LMO7: variants seen among roughly 807,000 people sequenced by gnomAD.
LMO7 encodes LIM domain 7.
A neutral mutation model predicts 206.5 loss-of-function variants in LMO7; 120 were observed. The observed-to-expected ratio is 0.58, with a 90% confidence interval of 0.50 to 0.68. The LOEUF is 0.68. LMO7 is among the 30% of genes least tolerant of loss of function. The pLI is 0.00. For missense variants in LMO7, 1,959 were observed against 1,957.9 expected, an observed-to-expected ratio of 1.00 and a Z score of -0.01; for synonymous variants, 706 against 681.5, an observed-to-expected ratio of 1.04 and a Z score of -0.56.
intron 1 of LMO7, among the ~76,000 whole-genome samples, chr13:75,667,677 C>A (rs1049425948): frequency 2.6e-5 from 4 of 152,170 alleles, no homozygotes; most frequent in African/African-American, 9.6e-5. Flanking sequence ...AGCATATTTT[C>A]CTTTCCATAC....
intron 15 of LMO7, among the ~76,000 whole-genome samples, chr13:75,827,771 C>A (rs2058265897): frequency 6.6e-6 from 1 of 152,178 alleles, no homozygotes. Context: ...CTCTACAAAT[C>A]CACTTTCCAG....
intron 3 of LMO7, chr13:75,760,627 AG>A: frequency 1.4e-6 from 2 of 1,448,572 alleles, no homozygotes; most frequent in African/African-American, 2.8e-5. Context: ...ATCAAAGTGT[AG>A]ATTACTGCTC....
At chr13:75,658,290 T>A (rs1353268971) in intron 1 of LMO7, among the ~76,000 whole-genome samples, 2 of 152,138 alleles carry the variant, frequency 1.3e-5, no homozygotes, top group African/African-American at 2.4e-5. Flanking sequence ...ATTTAGCTAT[T>A]ATAAATTTGT....
chr13:75,670,075 G>T (rs926450266), intron 1 of LMO7, among the ~76,000 whole-genome samples: 1 of 152,196 alleles, frequency 6.6e-6, no homozygotes, highest in Admixed American at 6.5e-5. Flanking sequence ...TAAACTTTGT[G>T]CAGGAGTTGC....
intron 4 of LMO7, among the ~76,000 whole-genome samples, chr13:75,768,946 TG>T (rs973180659): frequency 6.6e-6 from 1 of 152,096 alleles, no homozygotes; most frequent in Admixed American, 6.6e-5. Flanking sequence ...TTGAAATATT[TG>T]TTTTTTTACC....
rs367850909 is a variant in LMO7 at position 75,825,239 on chromosome 13, A to T, written c.2949+1366A>T. Among the ~76,000 whole-genome samples the T allele has an allele frequency of 5.3e-5, 8 of 152,240 alleles. No homozygotes were observed. In the East Asian group the frequency reaches 1.5e-3, roughly 29 times the overall value. On this transcript the variant is annotated intron_variant, in intron 15 of 30. Transcript: ENST00000377534. ...GGAGAAGAACAATAGCCTGTGTTATACTTGGGCAACATAAGGTACCAGTAG... is the reference window on the plus strand; with the variant it reads ...GGAGAAGAACAATAGCCTGTGTTATTCTTGGGCAACATAAGGTACCAGTAG...
chr13:75,731,331 T>A (rs1003679512), intron 3 of LMO7, among the ~76,000 whole-genome samples: 1 of 152,192 alleles, frequency 6.6e-6, no homozygotes, highest in South Asian at 2.1e-4. Context: ...GGTGCATATA[T>A]ATTTAGGATA....
rs74573506 is a variant in LMO7, at chr13:75,681,879, C to T, written c.70-31303C>T. ...TTTTATAGCTGAGTAGTATTCCTTG[C>T]ATGGATGTACCACAGTTTGTTAATC... On this transcript the variant is annotated intron_variant, in intron 1 of 30. Transcript: ENST00000377534. Among the ~76,000 whole-genome samples, 538 of 151,698 alleles carry T rather than the reference C, an allele frequency of 3.5e-3. 6 individuals carry two copies. The East Asian group carries it at 0.04, about 11-fold the overall frequency.
At chr13:75,850,312 C>T (rs1334100952) in intron 27 of LMO7, among the ~76,000 whole-genome samples, 1 of 152,006 alleles carries the variant, frequency 6.6e-6, no homozygotes, top group Non-Finnish European at 1.5e-5. Context: ...TTCTTCTTTC[C>T]ACTTGGTTGG....
chr13:75,666,538 T>C (rs2039086507), intron 1 of LMO7, among the ~76,000 whole-genome samples: 2 of 152,172 alleles, frequency 1.3e-5, no homozygotes, highest in Admixed American at 1.3e-4. Flanking sequence ...ATTGAGAACT[T>C]ACTGTATTCC....
chr13:75,760,571 C>T (rs540171994), intron 3 of LMO7: 34 of 1,340,512 alleles, frequency 2.5e-5, no homozygotes, highest in Admixed American at 6.7e-5. Context: ...TGAGGCTTGC[C>T]GTGCAAAGCT....
intron 9 of LMO7, chr13:75,806,852 G>A (rs1330699158): frequency 1.3e-5 from 2 of 152,546 alleles, no homozygotes; most frequent in East Asian, 3.8e-4. Flanking sequence ...CAGGCGGGGT[G>A]GCTCACGCCT....
At chr13:75,654,361 C>G (rs556089476) in intron 1 of LMO7, among the ~76,000 whole-genome samples, 1 of 152,306 alleles carries the variant, frequency 6.6e-6, no homozygotes, top group South Asian at 2.1e-4. Context: ...TCTTGAGAGA[C>G]AGTGAGAGAG....
chr13:75,808,012 T>C lies in LMO7; in HGVS notation c.1729T>C (p.Leu577=). ...AGAAAAAAGTAATAGCTGTAGAATA[T>C]TAGTTCCTTCATATCGGCAGAAGAA... The part of the protein sequence containing the change: ...SKEKSNSCRI[L]VPSYRQKKDD... Residue 577 remains leucine (L), a synonymous_variant, in exon 10 of 31, where the codon TTA becomes CTA. Coordinates refer to ENST00000377534, the MANE Select transcript of LMO7 (RefSeq NM_001306080.2). 1 of 1,613,936 alleles carries C rather than the reference T, an allele frequency of 6.2e-7. No homozygotes were observed. Among genetic ancestry groups the C allele is most frequent in the Non-Finnish European group, 8.5e-7 (1 of 1,179,850 alleles).
intron 1 of LMO7, among the ~76,000 whole-genome samples, chr13:75,679,889 G>T (rs1009358342): frequency 6.6e-6 from 1 of 152,170 alleles, no homozygotes; most frequent in Non-Finnish European, 1.5e-5. Flanking sequence ...CAGTCCTGGT[G>T]ATTCTTTTTT....
chr13:75,648,153 G>A (rs1464066923), intron 1 of LMO7, among the ~76,000 whole-genome samples: 1 of 151,760 alleles, frequency 6.6e-6, no homozygotes, highest in African/African-American at 2.4e-5. Flanking sequence ...TTGCCATGTT[G>A]CCTAGGATGG....
chr13:75,680,371 A>C (rs1370273250), intron 1 of LMO7, among the ~76,000 whole-genome samples: 1 of 152,162 alleles, frequency 6.6e-6, no homozygotes, highest in African/African-American at 2.4e-5. Flanking sequence ...GTGTGCATGT[A>C]TCCTTATAAT....
intron 12 of LMO7, among the ~76,000 whole-genome samples, chr13:75,817,801 G>GT (rs1397118800): frequency 6.6e-6 from 1 of 152,114 alleles, no homozygotes; most frequent in Non-Finnish European, 1.5e-5. Context: ...AAAATGAAAT[G>GT]TTTTTGCAGA....
chr13:75,842,403 T>G (rs1036236128), intron 24 of LMO7, among the ~76,000 whole-genome samples: 1 of 152,142 alleles, frequency 6.6e-6, no homozygotes, highest in Non-Finnish European at 1.5e-5. Context: ...TTCTTCTAGT[T>G]TCTGCTCAAA....
Sources: allele counts gnomAD v4.1 joint callset (sites outside exome capture counted in the v4.1 genomes callset), GRCh38; gene constraint gnomAD v4.1.1; transcripts MANE v1.5; gene names NCBI Gene and HGNC (gene_info 2026-07-23, HGNC 2026-07-21).